The following CCNH variants were observed in gnomAD, a reference collection of about 807,000 sequenced individuals.
CCNH encodes the protein cyclin-H.
In CCNH, 31 loss-of-function variants were observed where a neutral mutation model predicts 41.9. The observed-to-expected ratio is 0.74, with a 90% confidence interval of 0.56 to 1.00. The LOEUF (loss-of-function observed/expected upper bound fraction) is 1.00, where lower values mean the gene tolerates loss of function less well. Among genes scored for constraint, CCNH ranks in the 50% least tolerant of loss-of-function variants. CCNH has a pLI of 0.00. For synonymous variants in CCNH, 138 were observed against 136.1 expected (o/e 1.01, Z -0.10); for missense variants, 362 against 388.4 (o/e 0.93, Z 0.57).
At chr5:87,331,178 T>C (rs1267592766) in intron 9 of CCNH, 1 of 939,718 alleles carries the variant, frequency 1.1e-6, no homozygotes, top group African/African-American at 1.6e-5. Flanking sequence ...GAGTATTTTT[T>C]GAGACTGAGG....
chr5:87,361,059 ATTAT>A (rs1424396316), intron 9 of CCNH, among the ~76,000 whole-genome samples: 3 of 152,114 alleles, frequency 2.0e-5, no homozygotes, highest in Non-Finnish European at 4.4e-5. Context: ...TGCAGTAGAG[ATTAT>A]TTATTTCAGT....
chr5:87,409,169 C>T, intron 3 of CCNH, 121 bp downstream of exon 3: 1 of 471,930 alleles, frequency 2.1e-6, no homozygotes, highest in Non-Finnish European at 3.7e-6. Flanking sequence ...GTCTAAATTA[C>T]CCTGTATTAG....
intron 9 of CCNH, among the ~76,000 whole-genome samples, chr5:87,353,643 G>A (rs984016630): frequency 6.6e-6 from 1 of 152,134 alleles, no homozygotes; most frequent in Non-Finnish European, 1.5e-5. Flanking sequence ...TTATTTGCCT[G>A]TAGTTTTACG....
intron 6 of CCNH, among the ~76,000 whole-genome samples, chr5:87,400,110 TAATA>T (rs1763289548): frequency 6.6e-6 from 1 of 152,212 alleles, no homozygotes; most frequent in Non-Finnish European, 1.5e-5. Context: ...TATTCAACTA[TAATA>T]AACCAAAGAA....
In CCNH at chr5:87,411,210, C is replaced by T. The variant is rs201526412; in HGVS notation, c.240+14G>A. On this transcript the variant is annotated intron_variant, in intron 2 of 8. Coordinates refer to ENST00000256897, the MANE Select transcript of CCNH (RefSeq NM_001239.4). Reference sequence around the variant, plus strand: ...AACTAAAGGACATTATATTTCATCACCACTGTAACTTACCACAACAGATCT... The same window carrying T: ...AACTAAAGGACATTATATTTCATCATCACTGTAACTTACCACAACAGATCT... 568 of 1,605,700 alleles carry T rather than the reference C, an allele frequency of 3.5e-4. No homozygotes were observed. Among genetic ancestry groups the T allele is most frequent in the Non-Finnish European group, 4.4e-4 (519 of 1,176,726 alleles).
intron 9 of CCNH, among the ~76,000 whole-genome samples, chr5:87,324,948 A>T (rs1757113403): frequency 6.6e-6 from 1 of 152,004 alleles, no homozygotes; most frequent in African/African-American, 2.4e-5. Flanking sequence ...TTGCTTTTTT[A>T]ATTTTTTTAT....
chr5:87,332,062 T>G (rs571827168), intron 9 of CCNH, among the ~76,000 whole-genome samples: 1 of 152,244 alleles, frequency 6.6e-6, no homozygotes, highest in African/African-American at 2.4e-5. Context: ...GTACCCTTGG[T>G]TTTTAGATTT....
Position 87,332,287 on chromosome 5 carries a change from T to C in CCNH, c.*91-13390A>G, listed in dbSNP as rs1008690793. The stretch of plus-strand genomic sequence containing the variant: ...ATTCTGTAATTGAGGTTTATAAGCC[T>C]GATATGTATTTCACATCAAATGCAT... On this transcript the variant is annotated intron_variant and NMD_transcript_variant, in intron 9 of 9. Transcript: ENST00000645953. 1.2e-4 allele frequency among the ~76,000 whole-genome samples: 19 copies of C among 152,244 alleles called. No individual in the cohort carries two copies. In the East Asian group the frequency reaches 3.7e-3, roughly 29 times the overall value.
chr5:87,311,960 T>C, the CCNH span, among the ~76,000 whole-genome samples: 1 of 152,246 alleles, frequency 6.6e-6, no homozygotes, highest in Non-Finnish European at 1.5e-5. Flanking sequence ...GTGGACAACC[T>C]AGCCCTACTG....
chr5:87,351,048 G>A (rs567983843), intron 9 of CCNH, among the ~76,000 whole-genome samples: 48 of 151,110 alleles, frequency 3.2e-4, no homozygotes, highest in African/African-American at 1.1e-3. Context: ...TAAATCTGTC[G>A]AACACAGCCA....
At chr5:87,344,052 T>C (rs1056526702) in intron 9 of CCNH, among the ~76,000 whole-genome samples, 1 of 152,090 alleles carries the variant, frequency 6.6e-6, no homozygotes, top group Non-Finnish European at 1.5e-5. Flanking sequence ...AGAATGATGG[T>C]TACCAAAAGG....
rs1181146199 is a variant in CCNH, at chr5:87,404,833, C to CTTTT, written c.689+10_689+11insAAAA. ...ACTGAATTTGACCTAAGTTAAAAAA[C>CTTTT]TAATTAATACCTTTCCATAGTAATT... On this transcript the variant is annotated intron_variant, in intron 5 of 8. Transcript: ENST00000256897. 1.3e-6 allele frequency: 2 copies of CTTTT among 1,575,660 alleles called. No homozygotes were observed. Among genetic ancestry groups the CTTTT allele is most frequent in the African/African-American group, 2.8e-5 (2 of 72,568 alleles).
chr5:87,374,308 A>T (rs763027699), downstream of CCNH: 1 of 1,605,808 alleles, frequency 6.2e-7, no homozygotes, highest in Admixed American at 1.7e-5. Context: ...TGGTCAGAAG[A>T]GTTTGTCTTT....
downstream of CCNH, among the ~76,000 whole-genome samples, chr5:87,373,654 CAAAT>C (rs1761110733): frequency 6.6e-6 from 1 of 152,078 alleles, no homozygotes; most frequent in African/African-American, 2.4e-5. Flanking sequence ...TCCAAACTAA[CAAAT>C]AACTTAGTTT....
intron 7 of CCNH, among the ~76,000 whole-genome samples, chr5:87,397,937 T>C (rs1172328451): frequency 6.6e-6 from 1 of 151,954 alleles, no homozygotes; most frequent in African/African-American, 2.4e-5. Flanking sequence ...GTGTGCTACA[T>C]TCCAAGAAAC....
At chr5:87,313,824 C>T (rs1312966392), downstream of CCNH, among the ~76,000 whole-genome samples, 1 of 152,126 alleles carries the variant, frequency 6.6e-6, no homozygotes, top group African/African-American at 2.4e-5. Context: ...AAAGGGATGG[C>T]AATAAGGACA....
At chr5:87,385,693 A>G (rs912730230) in intron 9 of CCNH, among the ~76,000 whole-genome samples, 4 of 152,070 alleles carry the variant, frequency 2.6e-5, no homozygotes, top group Non-Finnish European at 5.9e-5. Context: ...TTAAAAATTT[A>G]TTTCACAAAC....
At chr5:87,363,247 TAAAA>T in intron 9 of CCNH, 1 of 1,118,904 alleles carries the variant, frequency 8.9e-7, no homozygotes, top group Middle Eastern at 3.0e-4. Flanking sequence ...AGCTTTGGAA[TAAAA>T]ATTGATTGAT....
chr5:87,392,055 C>A, downstream of CCNH: 1 of 320,498 alleles, frequency 3.1e-6, no homozygotes. Context: ...TTGCTAATGG[C>A]CTCTTTTGAA....
Sources: gnomAD v4.1 joint callset for allele counts (sites outside exome capture counted in the v4.1 genomes callset) on GRCh38, gnomAD v4.1.1 for gene constraint, MANE v1.5 for transcripts, NCBI Gene and HGNC (gene_info 2026-07-23, HGNC 2026-07-21) for gene names.